The following MICAL3 variants were observed in gnomAD, a reference collection of about 807,000 sequenced individuals.
MICAL3 encodes the protein microtubule associated monooxygenase, calponin and LIM domain containing 3, also known as [F-actin]-monooxygenase MICAL3.
Under a neutral mutation model 207.4 loss-of-function variants are expected in MICAL3, and 62 were observed. That is an observed-to-expected ratio of 0.30 (90% CI 0.24 to 0.37). The LOEUF (loss-of-function observed/expected upper bound fraction) is 0.37. Ranked by LOEUF, MICAL3 falls within the 10% of genes least tolerant of loss-of-function variation. The pLI is 1.00. For synonymous variants in MICAL3, 1,077 were observed against 1,069.3 expected (o/e 1.01, Z -0.14); for missense variants, 2,368 against 2,635.6 (o/e 0.90, Z 2.22).
intron 16 of MICAL3, among the ~76,000 whole-genome samples, chr22:17,876,005 G>A (rs1928294507): frequency 6.6e-6 from 1 of 152,220 alleles, no homozygotes; most frequent in Non-Finnish European, 1.5e-5. Flanking sequence ...GCAGGCAGCG[G>A]AGACAGCAAA....
At chr22:17,852,693 G>A (rs934619481) in intron 19 of MICAL3, among the ~76,000 whole-genome samples, 1 of 152,288 alleles carries the variant, frequency 6.6e-6, no homozygotes, top group Admixed American at 6.5e-5. Flanking sequence ...CAGGCCCTGG[G>A]ACCACGCATA....
Position 17,818,152 on chromosome 22 carries a change from C to T in MICAL3, c.4509G>A (p.Gln1503=), listed in dbSNP as rs777494307. Residue 1503 remains glutamine (Q), a synonymous_variant, in exon 26 of 32, where the codon CAG becomes CAA. Coordinates refer to ENST00000441493, the MANE Select transcript of MICAL3 (RefSeq NM_015241.3). ...ACTTCCGCACCTCCTCTCTGGGGGG[C>T]TGAGCAGGCTCCCGGGGGGGCCGCA... ...TWMRPPREPA[Q]PPREEVRKSF... The T allele has an allele frequency of 5.6e-6, 9 of 1,604,014 alleles. No homozygotes were observed. In the East Asian group the frequency reaches 1.3e-4, roughly 24 times the overall value.
At chr22:17,875,402 G>A in intron 16 of MICAL3, 1 of 1,261,080 alleles carries the variant, frequency 7.9e-7, no homozygotes, top group South Asian at 1.5e-5. Context: ...GACGTGAGTG[G>A]AGGCTGCGGA....
chr22:17,848,700 G>A (rs963022509), intron 19 of MICAL3, among the ~76,000 whole-genome samples: 7 of 152,210 alleles, frequency 4.6e-5, no homozygotes, highest in African/African-American at 1.4e-4. Flanking sequence ...TGGTATCTGC[G>A]GGAGAAGGGC....
At chr22:17,906,264 C>T (rs146957203) in intron 2 of MICAL3, among the ~76,000 whole-genome samples, 2 of 152,150 alleles carry the variant, frequency 1.3e-5, no homozygotes, top group African/African-American at 4.8e-5. Flanking sequence ...GCAAGTCAAA[C>T]AAAAAGAGGT....
rs868551391 is a variant in MICAL3, at chr22:17,864,718, T to C, written c.2605+181A>G. The C allele has an allele frequency of 1.2e-5, 19 of 1,613,128 alleles. No homozygotes were observed. In the African/African-American group the frequency reaches 1.6e-4, roughly 14 times the overall value. On this transcript the variant is annotated intron_variant, in intron 19 of 31. Transcript: ENST00000441493. ...TTGCACCAGCACCTCCGACAGGCCA[T>C]AGAGAAAGGGGACTCCGAACGCAAG...
At chr22:17,790,964 A>C (rs1601904562) in intron 31 of MICAL3, 34 bp downstream of exon 31, 1 of 1,612,300 alleles carries the variant, frequency 6.2e-7, no homozygotes, top group Non-Finnish European at 8.5e-7. Context: ...GGTGGCACCC[A>C]CCCTGGCCTC....
chr22:17,819,465 C>T (rs1921306880), intron 25 of MICAL3, among the ~76,000 whole-genome samples: 1 of 152,124 alleles, frequency 6.6e-6, no homozygotes, highest in Non-Finnish European at 1.5e-5. Context: ...CCAGGAGGCC[C>T]CAGAGCGCCA....
chr22:17,807,885 G>A (rs2062004192), intron 29 of MICAL3, among the ~76,000 whole-genome samples: 2 of 152,234 alleles, frequency 1.3e-5, no homozygotes, highest in South Asian at 4.1e-4. Context: ...GAGTGAGGAA[G>A]TAAGAGGATA....
In MICAL3 at chr22:17,790,716, A is replaced by G; in HGVS notation, c.*16T>C. 1 of 1,573,134 alleles carries G rather than the reference A, an allele frequency of 6.4e-7. No homozygotes were observed. The highest frequency in any genetic ancestry group is 8.6e-7 in the Non-Finnish European group (1 of 1,158,198). ...CCAGGCGGATGCCAACAGAAAATGG[A>G]GCGTTGGGTGGGAGCTCAGGACCAG... On this transcript the variant is annotated 3_prime_UTR_variant, in exon 32 of 32. Coordinates refer to ENST00000441493, the MANE Select transcript of MICAL3 (RefSeq NM_015241.3).
In MICAL3 at chr22:17,875,530, A is replaced by T. The variant is rs766532706; in HGVS notation, c.2242-3507T>A. 96 of 1,553,428 alleles carry T rather than the reference A, an allele frequency of 6.2e-5. 1 individual carries two copies. In the Middle Eastern group the frequency reaches 1.8e-3, roughly 30 times the overall value. ...GAAAGCTCCCACTGGTCGACAAAAA[A>T]TCGACGAGGAGGTTCAGGCTCTGGC... is the stretch of plus-strand genomic sequence containing the variant. On this transcript the variant is annotated intron_variant, in intron 16 of 31. Coordinates refer to ENST00000441493, the MANE Select transcript of MICAL3 (RefSeq NM_015241.3).
In MICAL3 at chr22:17,967,645, C is replaced by G. The variant is rs538124114; in HGVS notation, c.-75+56636G>C. Among the ~76,000 whole-genome samples the G allele has an allele frequency of 5.9e-5, 9 of 152,320 alleles. No individual in the cohort carries two copies. In the East Asian group the frequency reaches 1.7e-3, roughly 29 times the overall value. On this transcript the variant is annotated intron_variant, in intron 1 of 31. Transcript: ENST00000441493. Reference sequence around the variant, plus strand: ...AATGAGGACCAGGTGTGGTGGCTCACGCCTGTAATCCCAGCACTTTGGGAG... The same window carrying G: ...AATGAGGACCAGGTGTGGTGGCTCAGGCCTGTAATCCCAGCACTTTGGGAG...
intron 27 of MICAL3, chr22:17,814,307 T>C (rs1257442792): frequency 6.6e-6 from 1 of 152,272 alleles, no homozygotes; most frequent in Non-Finnish European, 1.5e-5. Context: ...ACGCTTCATC[T>C]ATATGTCATC....
chr22:17,828,182 C>G (rs1003443203), intron 21 of MICAL3, among the ~76,000 whole-genome samples: 4 of 152,238 alleles, frequency 2.6e-5, no homozygotes, highest in Admixed American at 1.3e-4. Flanking sequence ...CAAGGACCTG[C>G]TTTGTCCCTA....
At chr22:18,008,651 G>A (rs914224976) in intron 1 of MICAL3, among the ~76,000 whole-genome samples, 8 of 152,334 alleles carry the variant, frequency 5.3e-5, no homozygotes, top group South Asian at 4.2e-4. Context: ...CTTAGAGCTC[G>A]AAGACATCAT....
At position 17,871,644 on chromosome 22, in the gene MICAL3, G is replaced by A. The variant is rs148463020; in HGVS notation, c.2428+193C>T. Among the ~76,000 whole-genome samples the A allele has an allele frequency of 1.1e-4, 16 of 152,334 alleles. No individual in the cohort carries two copies. The East Asian group carries it at 1.9e-3, about 18-fold the overall frequency. On this transcript the variant is annotated intron_variant, in intron 17 of 31. Coordinates refer to ENST00000441493, the MANE Select transcript of MICAL3 (RefSeq NM_015241.3). ...ATGCCATTCTCATCAGCCTGGTGAC[G>A]CTGGGAAATACTGATAAGTAAGAGT...
chr22:17,984,304 A>G (rs985036437), intron 1 of MICAL3, among the ~76,000 whole-genome samples: 2 of 152,198 alleles, frequency 1.3e-5, no homozygotes. Context: ...ACATTCCCCA[A>G]CCACCTGCTG....
At chr22:17,801,148 C>CTTTTT (rs978301664) in intron 29 of MICAL3, among the ~76,000 whole-genome samples, 14 of 91,892 alleles carry the variant, frequency 1.5e-4, no homozygotes, top group Non-Finnish European at 2.2e-4. Context: ...TTTCCTTTTT[C>CTTTTT]TTTTTTTTTT....
At chr22:17,872,711 G>C (rs1401630692) in intron 16 of MICAL3, 2 of 1,274,574 alleles carry the variant, frequency 1.6e-6, no homozygotes, top group Non-Finnish European at 2.3e-6. Flanking sequence ...TGGCTGTGCT[G>C]GGTCTAGCTA....
Sources: gnomAD v4.1 joint callset for allele counts (sites outside exome capture counted in the v4.1 genomes callset) on GRCh38, gnomAD v4.1.1 for gene constraint, MANE v1.5 for transcripts, NCBI Gene and HGNC (gene_info 2026-07-23, HGNC 2026-07-21) for gene names.